Variants in EXPH5 observed in about 807,000 individuals in gnomAD.
The protein encoded by EXPH5 is exophilin 5.
In EXPH5, 42 loss-of-function variants were observed where a neutral mutation model predicts 41.1. The observed-to-expected ratio is 1.02, with a 90% CI of 0.80 to 1.32. EXPH5 has a LOEUF of 1.32. Ranked by LOEUF, EXPH5 falls within the 40% of genes most tolerant of loss-of-function variation. EXPH5 has a pLI of 0.00. For synonymous variants in EXPH5, 798 were observed against 833.5 expected (o/e 0.96, Z 0.73); for missense variants, 2,298 against 2,314.5 (o/e 0.99, Z 0.15).
At chr11:108,521,280 C>T (rs1024324295) in intron 4 of EXPH5, among the ~76,000 whole-genome samples, 8 of 152,316 alleles carry the variant, frequency 5.3e-5, no homozygotes, top group South Asian at 2.1e-4. Flanking sequence ...TCTGATTCCA[C>T]GGCGCTGGTT....
chr11:108,606,825 T>C, the EXPH5 span, among the ~76,000 whole-genome samples: 4 of 152,214 alleles, frequency 2.6e-5, no homozygotes, highest in Admixed American at 6.5e-5. Context: ...GCAGGAACCA[T>C]ATCTTAATTA....
At chr11:108,596,088 G>A (rs769317068), upstream of EXPH5, among the ~76,000 whole-genome samples, 7 of 151,994 alleles carry the variant, frequency 4.6e-5, no homozygotes, top group South Asian at 2.1e-4. Context: ...CCAGCTACTC[G>A]GGAGGCTGAG....
intron 4 of EXPH5, among the ~76,000 whole-genome samples, chr11:108,520,590 G>T (rs186884041): frequency 7.1e-6 from 1 of 140,326 alleles, no homozygotes; most frequent in Non-Finnish European, 1.5e-5. Flanking sequence ...TTATTTTGAG[G>T]CGGAGTCTCC....
chr11:108,543,686 C>T (rs1282904592), intron 1 of EXPH5, among the ~76,000 whole-genome samples: 7 of 152,202 alleles, frequency 4.6e-5, no homozygotes, highest in Admixed American at 2.6e-4. Flanking sequence ...ATGGCTGCAA[C>T]TCAGGCTCTT....
At position 108,591,707 on chromosome 11, in the gene EXPH5, G is replaced by A. The variant is rs1487813399; in HGVS notation, c.119+1711C>T. ...CTTCCTTCTAATGCCCAGCCCAATGGCTTTGTGTAGATACACGTGCTTTGT... is the reference window on the plus strand; with the variant it reads ...CTTCCTTCTAATGCCCAGCCCAATGACTTTGTGTAGATACACGTGCTTTGT... On this transcript the variant is annotated intron_variant, in intron 1 of 5. Transcript: ENST00000265843. Among the ~76,000 whole-genome samples, 6 of 152,290 alleles carry A rather than the reference G, an allele frequency of 3.9e-5. No individual in the cohort carries two copies. In the South Asian group the frequency reaches 1.2e-3, roughly 32 times the overall value.
chr11:108,594,212 A>C (rs866408411), upstream of EXPH5, among the ~76,000 whole-genome samples: 1 of 152,200 alleles, frequency 6.6e-6, no homozygotes, highest in Non-Finnish European at 1.5e-5. Context: ...GGCGGAAATT[A>C]GTGTATCCTT....
upstream of EXPH5, among the ~76,000 whole-genome samples, chr11:108,596,149 C>T (rs1015592474): frequency 6.6e-6 from 1 of 150,988 alleles, no homozygotes; most frequent in Non-Finnish European, 1.5e-5. Context: ...GAGCCGAGAT[C>T]ACACCACTGC....
chr11:108,604,887 G>C, the EXPH5 span, among the ~76,000 whole-genome samples: 1 of 152,194 alleles, frequency 6.6e-6, no homozygotes, highest in East Asian at 1.9e-4. Flanking sequence ...AAGTGTACAG[G>C]AAATTTTAGT....
intron 1 of EXPH5, among the ~76,000 whole-genome samples, chr11:108,544,135 T>C (rs1024385005): frequency 6.6e-6 from 1 of 152,174 alleles, no homozygotes; most frequent in South Asian, 2.1e-4. Flanking sequence ...TAAACAACAT[T>C]TTCCCCCGTA....
rs563668403 is a variant in EXPH5 at position 108,587,640 on chromosome 11, T to C, written c.119+5778A>G. Among the ~76,000 whole-genome samples the C allele has an allele frequency of 4.4e-3, 665 of 152,368 alleles. 3 individuals carry two copies. The highest frequency in any genetic ancestry group is 7.3e-3 in the Non-Finnish European group (499 of 68,042). On this transcript the variant is annotated intron_variant, in intron 1 of 5. Transcript: ENST00000265843. ...GAAATTTACCCTTACAAGTTATTTA[T>C]TTTTTAAAAGACATTTTTAAAAAGT...
chr11:108,556,695 G>A (rs1591734933), intron 1 of EXPH5, among the ~76,000 whole-genome samples: 1 of 152,196 alleles, frequency 6.6e-6, no homozygotes, highest in East Asian at 1.9e-4. Flanking sequence ...GGCTGGTCTC[G>A]AACTCCTGGC....
rs1393574592 is a variant in EXPH5 at position 108,513,696 on chromosome 11, G to A, written c.1811C>T (p.Ser604Phe). 1 of 1,612,610 alleles carries A rather than the reference G, an allele frequency of 6.2e-7. No homozygotes were observed. The highest frequency in any genetic ancestry group is 1.3e-5 in the African/African-American group (1 of 74,876). ...SSELVSQQDS[S>F]PVEVHINKEA... ...TTTGTTTATATGTACTTCTACAGGA[G>A]AACTGTCCTGTTGACTTACCAACTC... The change falls in exon 6 of 6, where the codon TCT becomes TTT. Residue 604 changes from serine to phenylalanine, a missense_variant. Coordinates refer to ENST00000265843, the MANE Select transcript of EXPH5 (RefSeq NM_015065.3).
At chr11:108,562,145 C>T (rs4442514) in intron 1 of EXPH5, among the ~76,000 whole-genome samples, 19,525 of 152,128 alleles carry the variant, frequency 0.13, 1,391 homozygotes, top group South Asian at 0.22. Flanking sequence ...ATGAAAACAT[C>T]CAGCCATAAG....
At chr11:108,532,728 T>C (rs1264169848) in intron 3 of EXPH5, among the ~76,000 whole-genome samples, 1 of 152,156 alleles carries the variant, frequency 6.6e-6, no homozygotes, top group East Asian at 1.9e-4. Flanking sequence ...CAGCCTGCCA[T>C]AGAAAATCAG....
chr11:108,514,681 T>G lies in EXPH5; in HGVS notation c.826A>C (p.Arg276=). 6.2e-7 allele frequency: 1 copy of G among 1,603,888 alleles called. No homozygotes were observed. The highest frequency in any genetic ancestry group is 8.5e-7 in the Non-Finnish European group (1 of 1,176,342). ...TSNMSIYDIL[R]PGTPREGFKT... Reference sequence around the variant, plus strand: ...AAACCTTCCCTAGGAGTTCCTGGTCTTAGGATGTCATAGATAGACATATTG... The same window carrying G: ...AAACCTTCCCTAGGAGTTCCTGGTCGTAGGATGTCATAGATAGACATATTG... The change falls in exon 6 of 6, where the codon AGA becomes CGA. Residue 276 remains arginine, a synonymous_variant. Coordinates refer to ENST00000265843, the MANE Select transcript of EXPH5 (RefSeq NM_015065.3).
intron 1 of EXPH5, among the ~76,000 whole-genome samples, chr11:108,544,395 T>A (rs2093927915): frequency 6.6e-6 from 1 of 152,130 alleles, no homozygotes; most frequent in South Asian, 2.1e-4. Flanking sequence ...CTTAAACTCC[T>A]GGCCTCAAGC....
intron 2 of EXPH5, among the ~76,000 whole-genome samples, chr11:108,540,281 C>A (rs2093905678): frequency 3.9e-5 from 6 of 152,124 alleles, no homozygotes; most frequent in Admixed American, 2.6e-4. Context: ...TGAGATCATG[C>A]CACTACACTG....
chr11:108,553,022 C>T (rs1202981082), intron 1 of EXPH5, among the ~76,000 whole-genome samples: 2 of 151,994 alleles, frequency 1.3e-5, no homozygotes, highest in African/African-American at 4.8e-5. Flanking sequence ...ATGGTGAAAG[C>T]CTGTCTCTAC....
intron 1 of EXPH5, among the ~76,000 whole-genome samples, chr11:108,572,454 G>A (rs2094063922): frequency 6.6e-6 from 1 of 152,156 alleles, no homozygotes; most frequent in Non-Finnish European, 1.5e-5. Flanking sequence ...ATCTCCTAAG[G>A]ATCCTTACCA....
Sources: gnomAD v4.1 joint callset for allele counts (sites outside exome capture counted in the v4.1 genomes callset) on GRCh38, gnomAD v4.1.1 for gene constraint, MANE v1.5 for transcripts, NCBI Gene and HGNC (gene_info 2026-07-23, HGNC 2026-07-21) for gene names.